POU2F1: variants seen among roughly 807,000 people sequenced by gnomAD.
POU2F1 encodes the protein POU domain, class 2, transcription factor 1.
A neutral mutation model predicts 84.9 loss-of-function variants in POU2F1; 16 were observed. The observed-to-expected ratio is 0.19, with a 90% CI of 0.13 to 0.29. The LOEUF is 0.29. Ranked by LOEUF, POU2F1 falls within the 10% of genes least tolerant of loss-of-function variation. The pLI is 1.00. For synonymous variants in POU2F1, 368 were observed against 368.3 expected (o/e 1.00, Z 0.01); for missense variants, 738 against 942.6 (o/e 0.78, Z 2.84).
chr1:167,411,246 G>A (rs780152651), intron 13 of POU2F1, among the ~76,000 whole-genome samples: 4 of 151,902 alleles, frequency 2.6e-5, no homozygotes, highest in Non-Finnish European at 5.9e-5. Flanking sequence ...CACCATGTTG[G>A]CCAGGATGGT....
chr1:167,302,911 G>C, intron 1 of POU2F1, among the ~76,000 whole-genome samples: 1 of 152,214 alleles, frequency 6.6e-6, no homozygotes, highest in East Asian at 1.9e-4. Context: ...TCATGACAAA[G>C]AGGGGGATGG....
intron 1 of POU2F1, among the ~76,000 whole-genome samples, chr1:167,229,167 T>TC (rs1168042369): frequency 6.6e-6 from 1 of 151,684 alleles, no homozygotes; most frequent in Non-Finnish European, 1.5e-5. Flanking sequence ...ACTGAATTTT[T>TC]TTTTTTTAAT....
chr1:167,342,876 A>G (rs1657952943), intron 2 of POU2F1, among the ~76,000 whole-genome samples: 2 of 152,086 alleles, frequency 1.3e-5, no homozygotes, highest in African/African-American at 4.8e-5. Context: ...TAGAAATACT[A>G]ATTTTGTTTG....
chr1:167,332,668 C>A, intron 2 of POU2F1, 133 bp downstream of exon 2: 1 of 612,632 alleles, frequency 1.6e-6, no homozygotes. Flanking sequence ...TGATTCAGTC[C>A]TTTAGGAACT....
Position 167,415,643 on chromosome 1 carries a change from C to T in POU2F1, c.2134C>T (p.Pro712Ser). 2 of 1,614,216 alleles carry T rather than the reference C, an allele frequency of 1.2e-6. No homozygotes were observed. Among genetic ancestry groups the T allele is most frequent in the Non-Finnish European group, 8.5e-7 (1 of 1,180,038 alleles). The change falls in exon 16 of 16, where the codon CCT (proline) becomes TCT (serine). Residue 712 changes from proline (P) to serine (S), a missense_variant. This residue lies in a region of POU2F1 where 319 missense variants were observed against 386.0 expected (regional missense o/e 0.83). Coordinates refer to ENST00000367866, the MANE Select transcript of POU2F1 (RefSeq NM_002697.4). ...PQNLSLLTSN[P>S]VSLVSAAAAS... ...GAACCTCTCTCTGCTCACCAGCAACCCTGTTAGCTTGGTCTCTGCCGCCGC... is the reference window on the plus strand; with the variant it reads ...GAACCTCTCTCTGCTCACCAGCAACTCTGTTAGCTTGGTCTCTGCCGCCGC...
rs1168200105 is a variant in POU2F1 at position 167,313,302 on chromosome 1, C to CT, written c.62-19161dup. ...CAATTTCTATCAAAATTCTCACAGA[C>CT]TTTTTTTCTAGACATGAACAAGAAT... On this transcript the variant is annotated intron_variant, in intron 1 of 15. Transcript: ENST00000367866. Among the ~76,000 whole-genome samples the CT allele has an allele frequency of 5.9e-5, 9 of 152,232 alleles. No individual in the cohort carries two copies. In the East Asian group the frequency reaches 1.7e-3, roughly 29 times the overall value.
rs1650490047 is a variant in POU2F1, at chr1:167,419,114, A to AT, written c.*3311dup. 1 of 152,004 alleles carries AT rather than the reference A, an allele frequency of 6.6e-6. No homozygotes were observed. The highest frequency in any genetic ancestry group is 2.1e-4 in the South Asian group (1 of 4,830). The allele number at this position is 152,004 out of a possible 1,614,324, so 9.4% of individuals were successfully genotyped here. ...TAGTCATTTTTTACTTTACGTATAT[A>AT]TTTTTTTATCATCTCAAGAAATGCA... On this transcript the variant is annotated 3_prime_UTR_variant, in exon 16 of 16. Transcript: ENST00000367866.
intron 13 of POU2F1, among the ~76,000 whole-genome samples, chr1:167,410,861 A>G (rs1367914716): frequency 6.6e-6 from 1 of 152,118 alleles, no homozygotes; most frequent in Admixed American, 6.6e-5. Flanking sequence ...TTTAAATTAC[A>G]TATGTCTTGT....
Position 167,396,522 on chromosome 1 carries a change from T to G in POU2F1, c.1129+95T>G, listed in dbSNP as rs1648818669. The G allele has an allele frequency of 2.3e-6, 3 of 1,314,166 alleles. No homozygotes were observed. In the South Asian group the frequency reaches 4.2e-5, roughly 18 times the overall value. 81.4% of individuals were successfully genotyped at this position (1,314,166 alleles called of 1,614,324 possible). A position where few individuals can be genotyped will look rare whatever the true frequency, so the allele number is the denominator to read the frequency against. On this transcript the variant is annotated intron_variant, in intron 10 of 15. Transcript: ENST00000367866. ...GGGTTTATATTTCTTACTCTATTTT[T>G]GTTGTTACAGAACCTTGAAGCTTAC...
chr1:167,239,707 T>C (rs1649760451), intron 1 of POU2F1, among the ~76,000 whole-genome samples: 1 of 151,952 alleles, frequency 6.6e-6, no homozygotes, highest in South Asian at 2.1e-4. Context: ...TAAGCTAGAG[T>C]TTAGGTGCTT....
At chr1:167,353,914 G>A (rs72693640) in intron 2 of POU2F1, among the ~76,000 whole-genome samples, 2,788 of 152,174 alleles carry the variant, frequency 0.018, 39 homozygotes, top group Non-Finnish European at 0.028. Context: ...CGAAGTTAGC[G>A]TTAATGGTGA....
chr1:167,288,670 G>A (rs1464111911), intron 1 of POU2F1, among the ~76,000 whole-genome samples: 1 of 152,180 alleles, frequency 6.6e-6, no homozygotes, highest in African/African-American at 2.4e-5. Context: ...CTGGGTGACA[G>A]AATGAGACCC....
chr1:167,228,336 G>A (rs1648794573), intron 1 of POU2F1, among the ~76,000 whole-genome samples: 1 of 152,190 alleles, frequency 6.6e-6, no homozygotes, highest in Admixed American at 6.5e-5. Flanking sequence ...ATAGAAACCA[G>A]TGTATAGAGG....
At chr1:167,223,198 G>C (rs998590069) in intron 1 of POU2F1, among the ~76,000 whole-genome samples, 1 of 152,116 alleles carries the variant, frequency 6.6e-6, no homozygotes, top group African/African-American at 2.4e-5. Context: ...TTAAATGAGT[G>C]AAAAGAGAAG....
At chr1:167,319,265 C>T (rs902227711) in intron 1 of POU2F1, among the ~76,000 whole-genome samples, 2 of 152,152 alleles carry the variant, frequency 1.3e-5, no homozygotes, top group Non-Finnish European at 2.9e-5. Flanking sequence ...ACCTCTACCC[C>T]AACTTATTAT....
chr1:167,301,228 G>A (rs1654681204), intron 1 of POU2F1, among the ~76,000 whole-genome samples: 1 of 152,216 alleles, frequency 6.6e-6, no homozygotes, highest in African/African-American at 2.4e-5. Context: ...GTGACCCACA[G>A]GGAATACTCA....
chr1:167,358,450 C>T (rs953179121), intron 2 of POU2F1, among the ~76,000 whole-genome samples: 1 of 151,736 alleles, frequency 6.6e-6, no homozygotes, highest in Non-Finnish European at 1.5e-5. Flanking sequence ...TCTCTGGAAA[C>T]GTTTGTGGAG....
At chr1:167,258,800 C>T (rs1651337744) in intron 1 of POU2F1, among the ~76,000 whole-genome samples, 1 of 152,170 alleles carries the variant, frequency 6.6e-6, no homozygotes. Flanking sequence ...AAAACTCTTG[C>T]AATACAGGTC....
intron 1 of POU2F1, among the ~76,000 whole-genome samples, chr1:167,255,186 A>G (rs1033637103): frequency 5.9e-5 from 9 of 152,220 alleles, no homozygotes; most frequent in Non-Finnish European, 1.2e-4. Context: ...AAATAGGTAA[A>G]TGCAGTAAAG....
Sources: allele counts gnomAD v4.1 joint callset (sites outside exome capture counted in the v4.1 genomes callset), GRCh38; gene constraint gnomAD v4.1.1; regional missense constraint gnomAD v4.1.1; transcripts MANE v1.5; gene names NCBI Gene and HGNC (gene_info 2026-07-23, HGNC 2026-07-21).